The following EPM2A variants were observed in gnomAD, a reference collection of about 807,000 sequenced individuals.
The protein encoded by EPM2A is EPM2A glucan phosphatase, laforin.
Under a neutral mutation model 26.5 loss-of-function variants are expected in EPM2A, and 21 were observed. The observed-to-expected ratio is 0.79, with a 90% CI of 0.56 to 1.14. The LOEUF (loss-of-function observed/expected upper bound fraction) is 1.14. Among genes scored for constraint, EPM2A ranks in the 50% most tolerant of loss-of-function variants. The pLI is 0.00. For missense variants in EPM2A, 458 were observed against 440.8 expected (o/e 1.04, Z -0.35); for synonymous variants, 217 against 177.6 (o/e 1.22, Z -1.76).
chr6:145,420,098 T>G (rs1582741252), intron 4 of EPM2A, among the ~76,000 whole-genome samples: 3 of 152,304 alleles, frequency 2.0e-5, no homozygotes, highest in South Asian at 4.1e-4. Flanking sequence ...ATATTTATAA[T>G]GAATATGCTT....
Position 145,502,579 on chromosome 6 carries a change from G to A in EPM2A, c.341-4C>T, listed in dbSNP as rs370749926. The A allele has an allele frequency of 1.5e-5, 7 of 470,856 alleles. 1 individual carries two copies. Among genetic ancestry groups the A allele is most frequent in the South Asian group, 1.1e-4 (7 of 64,560 alleles). The allele number at this position is 470,856 out of a possible 1,614,324, so 29.2% of individuals were successfully genotyped here. The stretch of plus-strand genomic sequence containing the variant: ...ATGTCAGCTGTCCTCTTCTCATCTG[G>A]AAAAAGGAGGAGAGGAGTGGCAGCT... On this transcript the variant is annotated splice_polypyrimidine_tract_variant and splice_region_variant and intron_variant, in intron 2 of 3. Transcript: ENST00000450221.
intron 2 of EPM2A, among the ~76,000 whole-genome samples, chr6:145,592,109 C>T (rs1026484348): frequency 1.6e-4 from 25 of 151,552 alleles, no homozygotes; most frequent in Admixed American, 3.3e-4. Context: ...GTGCTGCACC[C>T]GTTAACTCGT....
At chr6:145,499,012 A>C (rs963799022), downstream of EPM2A, among the ~76,000 whole-genome samples, 2 of 152,184 alleles carry the variant, frequency 1.3e-5, no homozygotes, top group East Asian at 1.9e-4. Context: ...AACTGGCTGC[A>C]GAATGCCTCC....
At chr6:145,444,179 A>G (rs1390900635) in intron 4 of EPM2A, among the ~76,000 whole-genome samples, 1 of 151,978 alleles carries the variant, frequency 6.6e-6, no homozygotes, top group African/African-American at 2.4e-5. Flanking sequence ...ACTTGTTCTG[A>G]TTTTCAAGAG....
intron 4 of EPM2A, among the ~76,000 whole-genome samples, chr6:145,430,453 T>A (rs1216574341): frequency 2.0e-5 from 3 of 151,384 alleles, no homozygotes; most frequent in Non-Finnish European, 4.4e-5. Flanking sequence ...TACAAAAACT[T>A]AGCTGGGCGT....
intron 4 of EPM2A, among the ~76,000 whole-genome samples, chr6:145,458,398 G>A (rs1056998810): frequency 6.6e-6 from 1 of 152,088 alleles, no homozygotes; most frequent in Admixed American, 6.6e-5. Context: ...TCTCCCCAGG[G>A]GCTCACAGGC....
At chr6:145,590,629 G>A (rs998970604) in intron 2 of EPM2A, among the ~76,000 whole-genome samples, 1 of 152,042 alleles carries the variant, frequency 6.6e-6, no homozygotes, top group Non-Finnish European at 1.5e-5. Flanking sequence ...CTGACTTAAG[G>A]TAAACTTCTT....
chr6:145,484,321 T>A (rs961612999), intron 4 of EPM2A, among the ~76,000 whole-genome samples: 1 of 145,878 alleles, frequency 6.9e-6, no homozygotes, highest in Non-Finnish European at 1.6e-5. Context: ...TGATTTTCTG[T>A]TTTTTTTTCT....
intron 2 of EPM2A, among the ~76,000 whole-genome samples, chr6:145,505,006 A>C (rs894003615): frequency 8.4e-6 from 1 of 118,586 alleles, no homozygotes; most frequent in Non-Finnish European, 1.7e-5. Flanking sequence ...CAAAAAACCA[A>C]ACACCGCATA....
intron 2 of EPM2A, among the ~76,000 whole-genome samples, chr6:145,573,696 T>C (rs1317590543): frequency 6.6e-6 from 1 of 152,190 alleles, no homozygotes; most frequent in Non-Finnish European, 1.5e-5. Flanking sequence ...CGTAATAGCC[T>C]TCACCCTACC....
At chr6:145,673,902 T>C (rs1173133759) in intron 2 of EPM2A, among the ~76,000 whole-genome samples, 1 of 152,166 alleles carries the variant, frequency 6.6e-6, no homozygotes, top group Non-Finnish European at 1.5e-5. Flanking sequence ...AACATCCCTG[T>C]CTGACAGCTC....
chr6:145,696,831 T>A (rs1392953149), intron 1 of EPM2A, among the ~76,000 whole-genome samples: 1 of 147,230 alleles, frequency 6.8e-6, no homozygotes, highest in African/African-American at 2.6e-5. Flanking sequence ...GTGTGTGGTG[T>A]GTTTCAAGGT....
intron 2 of EPM2A, among the ~76,000 whole-genome samples, chr6:145,611,940 C>T (rs1407804780): frequency 6.6e-6 from 1 of 152,102 alleles, no homozygotes; most frequent in Non-Finnish European, 1.5e-5. Flanking sequence ...TCTATTCTTG[C>T]TTAATGATGA....
Position 145,627,547 on chromosome 6 carries a change from G to C in EPM2A, c.865C>G (p.Leu289Val). Reference protein sequence around the residue: ...GWLQYVMGWNLRKVQYFLMAK... With the variant: ...GWLQYVMGWNVRKVQYFLMAK... ...ATGAGGAAATACTGCACCTTCCTCA[G>C]ATTCCAGCCCATCACATACTGGAGC... The change falls in exon 4 of 4, where the codon CTG becomes GTG. Residue 289 changes from leucine (L) to valine (V), a missense_variant. Leu to Val is a conservative substitution (Grantham distance 32, BLOSUM62 1). Coordinates refer to ENST00000367519, the MANE Select transcript of EPM2A (RefSeq NM_005670.4). The C allele has an allele frequency of 6.2e-7, 1 of 1,614,250 alleles. No individual in the cohort carries two copies. Among genetic ancestry groups the C allele is most frequent in the Non-Finnish European group, 8.5e-7 (1 of 1,180,044 alleles).
At chr6:145,488,495 T>TTTTGTG (rs1554242972) in intron 4 of EPM2A, among the ~76,000 whole-genome samples, 1 of 132,030 alleles carries the variant, frequency 7.6e-6, no homozygotes, top group South Asian at 2.7e-4. Context: ...ATTTGTGTGG[T>TTTTGTG]TGTGTGTGTG....
chr6:145,715,890 C>A (rs140169918), intron 1 of EPM2A, among the ~76,000 whole-genome samples: 41 of 152,272 alleles, frequency 2.7e-4, no homozygotes, highest in African/African-American at 9.9e-4. Flanking sequence ...ATAATTATTT[C>A]ATTACATATT....
At chr6:145,680,458 G>A (rs1780431450) in intron 2 of EPM2A, among the ~76,000 whole-genome samples, 1 of 151,176 alleles carries the variant, frequency 6.6e-6, no homozygotes, top group Admixed American at 6.6e-5. Context: ...AGTTACATAT[G>A]TATACATGTG....
intron 4 of EPM2A, among the ~76,000 whole-genome samples, chr6:145,451,699 G>A (rs1163973143): frequency 6.6e-6 from 1 of 152,152 alleles, no homozygotes; most frequent in East Asian, 1.9e-4. Flanking sequence ...GGTTTAGAAA[G>A]CATAGCATTT....
At chr6:145,449,799 T>C (rs1009368289) in intron 4 of EPM2A, among the ~76,000 whole-genome samples, 2 of 152,224 alleles carry the variant, frequency 1.3e-5, no homozygotes, top group Admixed American at 1.3e-4. Context: ...TAAGCTTTGA[T>C]GTTTGCATAT....
Sources: gnomAD v4.1 joint callset for allele counts (sites outside exome capture counted in the v4.1 genomes callset) on GRCh38, gnomAD v4.1.1 for gene constraint, MANE v1.5 for transcripts, NCBI Gene and HGNC (gene_info 2026-07-23, HGNC 2026-07-21) for gene names.